Variants in GRAP2 observed in about 807,000 individuals in gnomAD.
The protein encoded by GRAP2 is GRB2-related adapter protein 2.
GRAP2 carries 31 observed loss-of-function variants against 43.5 expected under a neutral mutation model. The ratio of observed to expected loss-of-function variants is 0.71; its 90% CI spans 0.54 to 0.96. GRAP2 has a LOEUF of 0.96. Among genes scored for constraint, GRAP2 ranks in the 40% least tolerant of loss-of-function variants. The probability of loss-of-function intolerance (pLI) is 0.00; values close to 1 mark genes in which losing one functional copy is unlikely to be tolerated. For missense variants in GRAP2, 371 were observed against 424.4 expected, an observed-to-expected ratio of 0.87 and a Z score of 1.11; for synonymous variants, 156 against 164.8, an observed-to-expected ratio of 0.95 and a Z score of 0.41.
intron 1 of GRAP2, among the ~76,000 whole-genome samples, chr22:39,932,329 T>C (rs1030191610): frequency 1.3e-5 from 2 of 152,126 alleles, no homozygotes; most frequent in Non-Finnish European, 2.9e-5. Flanking sequence ...ACAACCCTAC[T>C]TGGTGAGGTG....
intron 1 of GRAP2, among the ~76,000 whole-genome samples, chr22:39,915,021 T>C (rs1031692528): frequency 6.6e-6 from 1 of 151,594 alleles, no homozygotes; most frequent in Non-Finnish European, 1.5e-5. Flanking sequence ...AAACCCCATC[T>C]CTACTAAAAA....
chr22:39,954,375 G>T lies in GRAP2; in HGVS notation c.79-1444G>T, dbSNP rs572582855. Among the ~76,000 whole-genome samples, 3 of 152,178 alleles carry T rather than the reference G, an allele frequency of 2.0e-5. No homozygotes were observed. The South Asian group carries it at 6.2e-4, about 32-fold the overall frequency. On this transcript the variant is annotated intron_variant, in intron 2 of 7. Coordinates refer to ENST00000344138, the MANE Select transcript of GRAP2 (RefSeq NM_004810.4). Reference sequence around the variant, plus strand: ...TCTGCTATCCTTATTTAGAATTATTGTTCTAGTCTATATCAAAGACTTAAA... The same window carrying T: ...TCTGCTATCCTTATTTAGAATTATTTTTCTAGTCTATATCAAAGACTTAAA...
At position 39,910,294 on chromosome 22, in the gene GRAP2, T is replaced by C. The variant is rs527266411; in HGVS notation, c.-15+8964T>C. On this transcript the variant is annotated intron_variant, in intron 1 of 7. Coordinates refer to ENST00000344138, the MANE Select transcript of GRAP2 (RefSeq NM_004810.4). ...TCTATTAATATGGCCCATGATTGCA[T>C]GAGCCCTTTTGGCACCCATGTCACA... 2.0e-5 allele frequency among the ~76,000 whole-genome samples: 3 copies of C among 152,348 alleles called. No homozygotes were observed. In the East Asian group the frequency reaches 5.8e-4, roughly 29 times the overall value.
intron 1 of GRAP2, among the ~76,000 whole-genome samples, chr22:39,943,428 T>C (rs2066889968): frequency 6.6e-6 from 1 of 152,196 alleles, no homozygotes; most frequent in Non-Finnish European, 1.5e-5. Flanking sequence ...CACTGCATGC[T>C]GCTAATGGCT....
intron 7 of GRAP2, 106 bp from the exon 8 acceptor site, chr22:39,970,799 G>C: frequency 9.6e-7 from 1 of 1,043,412 alleles, no homozygotes; most frequent in Non-Finnish European, 1.4e-6. Flanking sequence ...AGCCTTCAGG[G>C]AATGTTGCTC....
chr22:39,943,924 T>A (rs971876990), intron 1 of GRAP2, among the ~76,000 whole-genome samples: 2 of 152,090 alleles, frequency 1.3e-5, no homozygotes. Context: ...TTTCACCATG[T>A]TGGCCAGGAT....
rs762431952 is a variant in GRAP2 at position 39,969,656 on chromosome 22, G to A, written c.813+123G>A. 191 of 1,036,118 alleles carry A rather than the reference G, an allele frequency of 1.8e-4. 1 individual carries two copies. The highest frequency in any genetic ancestry group is 2.5e-4 in the Non-Finnish European group (178 of 717,888). 64.2% of individuals were successfully genotyped at this position (1,036,118 alleles called of 1,614,324 possible). On this transcript the variant is annotated intron_variant, in intron 7 of 7. Transcript: ENST00000344138. The stretch of plus-strand genomic sequence containing the variant: ...TGGCTGGGCACGGTGGCTCACACCT[G>A]TAATCCCAACACTTTGGGAGGCCAA...
chr22:39,898,166 T>G (rs1190804775), upstream of GRAP2, among the ~76,000 whole-genome samples: 1 of 152,224 alleles, frequency 6.6e-6, no homozygotes, highest in African/African-American at 2.4e-5. Context: ...AGTACTGGCT[T>G]CTTCACTTTG....
chr22:39,906,087 G>A (rs893761153), intron 1 of GRAP2, among the ~76,000 whole-genome samples: 4 of 152,082 alleles, frequency 2.6e-5, no homozygotes, highest in African/African-American at 7.2e-5. Flanking sequence ...GTAATGGGGG[G>A]AAAAAATCCC....
chr22:39,967,011 C>T (rs1361056442), intron 5 of GRAP2, among the ~76,000 whole-genome samples: 3 of 148,958 alleles, frequency 2.0e-5, no homozygotes, highest in Non-Finnish European at 3.0e-5. Flanking sequence ...CACACACACA[C>T]ACACCAATTT....
At chr22:39,939,678 G>A (rs1329406593) in intron 1 of GRAP2, among the ~76,000 whole-genome samples, 1 of 151,972 alleles carries the variant, frequency 6.6e-6, no homozygotes, top group Non-Finnish European at 1.5e-5. Context: ...GGGAGGCTGA[G>A]GCAGGTGATC....
At chr22:39,963,585 A>G (rs1362505516) in intron 4 of GRAP2, among the ~76,000 whole-genome samples, 3 of 152,170 alleles carry the variant, frequency 2.0e-5, no homozygotes, top group African/African-American at 7.2e-5. Context: ...GTTGATTACC[A>G]CCCGAAATCA....
At chr22:39,950,971 A>T (rs78687740) in intron 2 of GRAP2, among the ~76,000 whole-genome samples, 4 of 152,242 alleles carry the variant, frequency 2.6e-5, no homozygotes, top group African/African-American at 9.6e-5. Flanking sequence ...CTTTTGTGCT[A>T]AAGACTAAAC....
chr22:39,960,366 G>A (rs2067105720), intron 4 of GRAP2, 192 bp downstream of exon 4: 1 of 573,512 alleles, frequency 1.7e-6, no homozygotes, highest in African/African-American at 1.9e-5. Context: ...CCACTCTTTA[G>A]AACACTGGTG....
intron 1 of GRAP2, among the ~76,000 whole-genome samples, chr22:39,907,877 C>T (rs1209948927): frequency 6.6e-6 from 1 of 152,222 alleles, no homozygotes; most frequent in Non-Finnish European, 1.5e-5. Context: ...GTTTCCGGGA[C>T]TTGCTCAAGG....
intron 1 of GRAP2, among the ~76,000 whole-genome samples, chr22:39,908,598 G>A (rs1042794568): frequency 2.0e-5 from 3 of 152,084 alleles, no homozygotes; most frequent in Non-Finnish European, 2.9e-5. Context: ...ATCCTTTAAT[G>A]TCCCAGAATT....
At chr22:39,911,027 GA>G (rs1954534752) in intron 1 of GRAP2, among the ~76,000 whole-genome samples, 1 of 152,138 alleles carries the variant, frequency 6.6e-6, no homozygotes, top group South Asian at 2.1e-4. Context: ...TCCTAAGTAA[GA>G]TAGGAATAAG....
intron 1 of GRAP2, among the ~76,000 whole-genome samples, chr22:39,915,810 A>G (rs2066598340): frequency 6.6e-6 from 1 of 152,200 alleles, no homozygotes; most frequent in Non-Finnish European, 1.5e-5. Flanking sequence ...CAGCTGGATG[A>G]TATGTAAAAA....
chr22:39,925,170 G>C (rs1350636546), intron 1 of GRAP2, among the ~76,000 whole-genome samples: 1 of 152,192 alleles, frequency 6.6e-6, no homozygotes, highest in Non-Finnish European at 1.5e-5. Flanking sequence ...TAGAAATGAT[G>C]TGAGCTGAAC....
Sources: gnomAD v4.1 joint callset for allele counts (sites outside exome capture counted in the v4.1 genomes callset) on GRCh38, gnomAD v4.1.1 for gene constraint, MANE v1.5 for transcripts, NCBI Gene and HGNC (gene_info 2026-07-23, HGNC 2026-07-21) for gene names.